The following ZNF7 variants were observed in gnomAD, a reference collection of about 807,000 sequenced individuals.
ZNF7 encodes C2-H2 type zinc finger protein.
ZNF7 carries 10 observed loss-of-function variants against 12.0 expected under a neutral mutation model. The observed-to-expected ratio is 0.83, with a 90% confidence interval of 0.51 to 1.42. The LOEUF (loss-of-function observed/expected upper bound fraction) is 1.42, where lower values mean the gene tolerates loss of function less well. Ranked by LOEUF, ZNF7 falls within the 40% of genes most tolerant of loss-of-function variation. ZNF7 has a pLI of 0.00. For synonymous variants in ZNF7, 334 were observed against 295.0 expected (o/e 1.13, Z -1.35); for missense variants, 854 against 837.2 (o/e 1.02, Z -0.25).
At chr8:144,841,295 A>T in intron 4 of ZNF7, 60 bp from the exon 5 acceptor site, 1 of 1,507,758 alleles carries the variant, frequency 6.6e-7, no homozygotes, top group Non-Finnish European at 8.9e-7. Flanking sequence ...CCGCATTTGT[A>T]GTCTTATCAT....
chr8:144,843,215 T>A lies in ZNF7; in HGVS notation c.*47T>A. 1 of 1,500,994 alleles carries A rather than the reference T, an allele frequency of 6.7e-7. No individual in the cohort carries two copies. Among genetic ancestry groups the A allele is most frequent in the Non-Finnish European group, 8.9e-7 (1 of 1,123,244 alleles). The allele number at this position is 1,500,994 out of a possible 1,614,324, so 93.0% of individuals were successfully genotyped here. On this transcript the variant is annotated 3_prime_UTR_variant, in exon 5 of 5. Coordinates refer to ENST00000532777, the MANE Select transcript of ZNF7 (RefSeq NM_003416.4). ...ATATATGTGAATAAACCTATAGCCT[T>A]AACTTACTTATTTTATATGGAATCG...
At chr8:144,845,837 TC>T (rs1830480896), downstream of ZNF7, 1 of 765,688 alleles carries the variant, frequency 1.3e-6, no homozygotes, top group Non-Finnish European at 2.1e-6. Flanking sequence ...CACCGGAACT[TC>T]TGTGCACGTG....
intron 4 of ZNF7, among the ~76,000 whole-genome samples, chr8:144,840,873 G>C (rs1829803293): frequency 6.6e-6 from 1 of 152,172 alleles, no homozygotes; most frequent in Non-Finnish European, 1.5e-5. Flanking sequence ...GTGCTCTTCT[G>C]AGCTCACGTA....
intron 4 of ZNF7, chr8:144,838,107 C>G: frequency 1.4e-6 from 1 of 703,034 alleles, no homozygotes; most frequent in Non-Finnish European, 2.6e-6. Context: ...CTCCGGGCAG[C>G]TGGTGGTTTT....
intron 3 of ZNF7, chr8:144,834,729 G>GTA (rs1458461790): frequency 2.0e-5 from 3 of 148,498 alleles, no homozygotes; most frequent in Non-Finnish European, 4.5e-5. Context: ...ATATATATAT[G>GTA]TATATATATT....
intron 3 of ZNF7, 145 bp from the exon 4 acceptor site, chr8:144,837,245 AC>A: frequency 1.6e-6 from 1 of 607,346 alleles, no homozygotes. Context: ...GATTCTCCCC[AC>A]CCTCCACCCA....
chr8:144,838,300 CTG>C (rs1829327805), intron 4 of ZNF7: 1 of 585,466 alleles, frequency 1.7e-6, no homozygotes, highest in African/African-American at 1.9e-5. Flanking sequence ...TCTGCAACGA[CTG>C]TGTTTCCAAA....
downstream of ZNF7, among the ~76,000 whole-genome samples, chr8:144,844,554 C>CA (rs1830385250): frequency 1.3e-5 from 2 of 150,908 alleles, no homozygotes; most frequent in African/African-American, 2.4e-5. Flanking sequence ...ACTAAAAATA[C>CA]AAAAAATTAG....
At chr8:144,834,157 A>C (rs966425869) in intron 3 of ZNF7, 1 of 152,218 alleles carries the variant, frequency 6.6e-6, no homozygotes, top group Admixed American at 6.5e-5. Context: ...GTTTTCTGTC[A>C]ATGTAAAAGT....
chr8:144,845,438 G>C (rs576255602), downstream of ZNF7, among the ~76,000 whole-genome samples: 3 of 152,178 alleles, frequency 2.0e-5, no homozygotes, highest in African/African-American at 4.8e-5. Flanking sequence ...GGTGGAGCAC[G>C]GTGGGGTTCT....
rs1001017319 is a variant in ZNF7, at chr8:144,841,909, C to T, written c.802C>T (p.His268Tyr). 8 of 1,614,066 alleles carry T rather than the reference C, an allele frequency of 5.0e-6. No homozygotes were observed. Among genetic ancestry groups the T allele is most frequent in the Non-Finnish European group, 5.9e-6 (7 of 1,180,048 alleles). The change falls in exon 5 of 5, where the codon CAT becomes TAT. Residue 268 changes from histidine to tyrosine, a missense_variant. Physicochemically the swap from His to Tyr is moderately conservative, Grantham distance 83. Coordinates refer to ENST00000532777, the MANE Select transcript of ZNF7 (RefSeq NM_003416.4). Reference sequence around the variant, plus strand: ...CAGGCTCTGCTCGCAGCTTAATCAGCATCAGAGAATCCACACGGGAGAGAA... The same window carrying T: ...CAGGCTCTGCTCGCAGCTTAATCAGTATCAGAGAATCCACACGGGAGAGAA... Reference protein sequence around the residue: ...VFRLCSQLNQHQRIHTGEKPF... With the variant: ...VFRLCSQLNQYQRIHTGEKPF...
At chr8:144,845,681 C>A (rs542202563), downstream of ZNF7, among the ~76,000 whole-genome samples, 1 of 152,314 alleles carries the variant, frequency 6.6e-6, no homozygotes, top group Non-Finnish European at 1.5e-5. Flanking sequence ...CCTTGTCATT[C>A]AGGGGGAACC....
chr8:144,833,196 C>CAAA (rs11417590), intron 3 of ZNF7, among the ~76,000 whole-genome samples: 8 of 109,004 alleles, frequency 7.3e-5, no homozygotes, highest in East Asian at 2.4e-4. Context: ...GACTTTGTCT[C>CAAA]AAAAAAAAAA....
At chr8:144,837,951 A>G (rs1586814442) in intron 4 of ZNF7, 11 of 648,004 alleles carry the variant, frequency 1.7e-5, no homozygotes, top group South Asian at 8.3e-5. Flanking sequence ...TGTGGCTGCC[A>G]TAACAATGAA....
In ZNF7 at chr8:144,837,424, C is replaced by G. The variant is rs199519689; in HGVS notation, c.164C>G (p.Ser55Cys). Reference protein sequence around the residue: ...GFLVFKPELISRLEQGEEPWV... With the variant: ...GFLVFKPELICRLEQGEEPWV... ...CTGGTTTTCAAGCCTGAGCTGATCT[C>G]TCGGCTGGAGCAGGGAGAAGAGCCA... The change falls in exon 4 of 5, where the codon TCT (serine) becomes TGT (cysteine). Residue 55 changes from serine to cysteine, a missense_variant. Coordinates refer to ENST00000532777, the MANE Select transcript of ZNF7 (RefSeq NM_003416.4). 5.0e-6 allele frequency: 8 copies of G among 1,613,054 alleles called. No individual in the cohort carries two copies. Among genetic ancestry groups the G allele is most frequent in the Non-Finnish European group, 6.8e-6 (8 of 1,179,110 alleles).
chr8:144,834,990 C>T (rs1828831638), intron 3 of ZNF7: 1 of 152,088 alleles, frequency 6.6e-6, no homozygotes, highest in South Asian at 2.1e-4. Context: ...GATCCACCTG[C>T]CTTGGGCTCC....
chr8:144,837,747 G>A (rs759074100), intron 4 of ZNF7, among the ~76,000 whole-genome samples: 9 of 152,178 alleles, frequency 5.9e-5, no homozygotes, highest in South Asian at 2.1e-4. Context: ...CCACAAAAAC[G>A]GAGCTTGTTT....
At position 144,828,871 on chromosome 8, in the gene ZNF7, T is replaced by A. The variant is rs2130525498; in HGVS notation, c.-45-172T>A. The A allele has an allele frequency of 6.7e-6, 5 of 745,450 alleles. No homozygotes were observed. In the South Asian group the frequency reaches 8.7e-5, roughly 13 times the overall value. The allele number at this position is 745,450 out of a possible 1,614,324, so 46.2% of individuals were successfully genotyped here. ...ATACACTCTAAAGAGGAACAAGAGTTCAGTGGGCCTCCTTCACTCAAGTGC... is the reference window on the plus strand; with the variant it reads ...ATACACTCTAAAGAGGAACAAGAGTACAGTGGGCCTCCTTCACTCAAGTGC... On this transcript the variant is annotated intron_variant, in intron 1 of 4. Transcript: ENST00000532777.
rs191250917 is a variant in ZNF7 at position 144,843,347 on chromosome 8, T to A, written c.*179T>A. 33 of 723,652 alleles carry A rather than the reference T, an allele frequency of 4.6e-5. No homozygotes were observed. Among genetic ancestry groups the A allele is most frequent in the Non-Finnish European group, 6.7e-5 (32 of 477,302 alleles). The allele number at this position is 723,652 out of a possible 1,614,324, so 44.8% of individuals were successfully genotyped here. On this transcript the variant is annotated 3_prime_UTR_variant, in exon 5 of 5. Coordinates refer to ENST00000532777, the MANE Select transcript of ZNF7 (RefSeq NM_003416.4). Reference sequence around the variant, plus strand: ...GCTTATGCCTGTCATCCCAGCACTTTGGGAGGCCAAGGCGGGCACATCACG... The same window carrying A: ...GCTTATGCCTGTCATCCCAGCACTTAGGGAGGCCAAGGCGGGCACATCACG...
Sources: allele counts gnomAD v4.1 joint callset (sites outside exome capture counted in the v4.1 genomes callset), GRCh38; gene constraint gnomAD v4.1.1; transcripts MANE v1.5; gene names NCBI Gene and HGNC (gene_info 2026-07-23, HGNC 2026-07-21).